The following RIMS1 variants were observed in gnomAD, a reference collection of about 807,000 sequenced individuals.
The protein encoded by RIMS1 is regulating synaptic membrane exocytosis protein 1.
A neutral mutation model predicts 214.1 loss-of-function variants in RIMS1; 83 were observed. The ratio of observed to expected loss-of-function variants is 0.39; its 90% CI spans 0.32 to 0.47. The LOEUF (loss-of-function observed/expected upper bound fraction) is 0.47, where lower values mean the gene tolerates loss of function less well. Among genes scored for constraint, RIMS1 ranks in the 20% least tolerant of loss-of-function variants. RIMS1 has a pLI of 0.99. For synonymous variants in RIMS1, 793 were observed against 786.8 expected (o/e 1.01, Z -0.13); for missense variants, 2,050 against 2,161.8 (o/e 0.95, Z 1.03).
intron 1 of RIMS1, among the ~76,000 whole-genome samples, chr6:71,930,111 A>AAGG (rs1782618017): frequency 6.6e-6 from 1 of 152,064 alleles, no homozygotes; most frequent in Non-Finnish European, 1.5e-5. Flanking sequence ...AAAAGAAAAT[A>AAGG]AACTAGGTGG....
At chr6:72,198,226 G>C (rs2153988398) in intron 6 of RIMS1, among the ~76,000 whole-genome samples, 1 of 152,116 alleles carries the variant, frequency 6.6e-6, no homozygotes, top group Non-Finnish European at 1.5e-5. Context: ...TGCATGAATG[G>C]GTAAAGAAAA....
chr6:71,968,855 A>G lies in RIMS1; in HGVS notation c.165-128A>G, dbSNP rs575463003. The G allele has an allele frequency of 8.8e-5, 80 of 907,108 alleles. No homozygotes were observed. In the African/African-American group the frequency reaches 1.3e-3, roughly 15 times the overall value. 56.2% of individuals were successfully genotyped at this position (907,108 alleles called of 1,614,324 possible). Reference sequence around the variant, plus strand: ...CTCCAAGGGCTTTGCTGGGGCCCCAAGGTTAATGTTGAAGGGGCTTTCAAA... The same window carrying G: ...CTCCAAGGGCTTTGCTGGGGCCCCAGGGTTAATGTTGAAGGGGCTTTCAAA... On this transcript the variant is annotated intron_variant, in intron 1 of 33. Coordinates refer to ENST00000521978, the MANE Select transcript of RIMS1 (RefSeq NM_014989.7).
chr6:71,899,869 G>A lies in RIMS1; in HGVS notation c.164+12682G>A, dbSNP rs75712311. 2.6e-3 allele frequency among the ~76,000 whole-genome samples: 395 copies of A among 152,120 alleles called. 2 individuals are homozygous for A. The highest frequency in any genetic ancestry group is 8.8e-3 in the African/African-American group (364 of 41,510). On this transcript the variant is annotated intron_variant, in intron 1 of 33. Transcript: ENST00000521978. ...TTTTTAAATAGAAAATCATCAGAGG[G>A]CCAAAGAAAATGAATGATCCACATT...
chr6:72,203,615 A>G (rs957778225), intron 6 of RIMS1, among the ~76,000 whole-genome samples: 1 of 152,200 alleles, frequency 6.6e-6, no homozygotes, highest in African/African-American at 2.4e-5. Context: ...CAGTGATCCT[A>G]AAATTTTTAT....
chr6:72,195,164 G>A (rs549801029), intron 6 of RIMS1, among the ~76,000 whole-genome samples: 1 of 152,258 alleles, frequency 6.6e-6, no homozygotes, highest in South Asian at 2.1e-4. Context: ...CCTAAGGCAG[G>A]GAGTTGGAAG....
intron 2 of RIMS1, among the ~76,000 whole-genome samples, chr6:72,047,427 C>T (rs765732375): frequency 6.6e-6 from 1 of 152,106 alleles, no homozygotes; most frequent in Non-Finnish European, 1.5e-5. Flanking sequence ...TCACATTAGA[C>T]ATTGCTGAGC....
At chr6:71,991,923 G>A (rs1415984736) in intron 2 of RIMS1, among the ~76,000 whole-genome samples, 1 of 152,138 alleles carries the variant, frequency 6.6e-6, no homozygotes, top group Non-Finnish European at 1.5e-5. Context: ...AAGTTAGCCA[G>A]GCTTGTTGGC....
intron 11 of RIMS1, among the ~76,000 whole-genome samples, chr6:72,247,552 A>AC (rs2070731363): frequency 1.3e-5 from 2 of 152,052 alleles, no homozygotes; most frequent in South Asian, 4.2e-4. Flanking sequence ...AAAAAAAAAA[A>AC]AAACCTAAGA....
At chr6:72,126,199 T>C (rs980030983) in intron 4 of RIMS1, among the ~76,000 whole-genome samples, 21 of 152,288 alleles carry the variant, frequency 1.4e-4, no homozygotes, top group Admixed American at 3.3e-4. Context: ...TAAATGGTAC[T>C]GGGAAAACTG....
At chr6:72,249,547 A>G (rs938552860) in intron 12 of RIMS1, among the ~76,000 whole-genome samples, 1 of 152,114 alleles carries the variant, frequency 6.6e-6, no homozygotes, top group Non-Finnish European at 1.5e-5. Context: ...TAATCCCAGC[A>G]CTTTGAGAGA....
At chr6:72,265,866 A>G (rs1302857536) in intron 21 of RIMS1, 94 bp from the exon 22 acceptor site, 7 of 792,380 alleles carry the variant, frequency 8.8e-6, no homozygotes, top group East Asian at 5.3e-5. Context: ...TGTAAAGGGG[A>G]CATTATTTTA....
chr6:72,216,800 T>A, intron 6 of RIMS1: 1 of 991,348 alleles, frequency 1.0e-6, no homozygotes, highest in Non-Finnish European at 1.2e-6. Context: ...CTCTCTGGCT[T>A]CAGGAAGGTA....
rs1389831416 is a variant in RIMS1, at chr6:72,158,687, T to G, written c.472-20888T>G. Among the ~76,000 whole-genome samples, 9 of 137,870 alleles carry G rather than the reference T, an allele frequency of 6.5e-5. 1 individual carries two copies. The highest frequency in any genetic ancestry group is 1.3e-4 in the Non-Finnish European group (8 of 60,824). 90.4% of individuals were successfully genotyped at this position (137,870 alleles called of 152,430 possible). ...TGGTTTTTTGTCCTTGCAATAGTTTTCTGAGAATGATGGTTTCCAGCTTCA... is the reference window on the plus strand; with the variant it reads ...TGGTTTTTTGTCCTTGCAATAGTTTGCTGAGAATGATGGTTTCCAGCTTCA... On this transcript the variant is annotated intron_variant, in intron 4 of 33. Transcript: ENST00000521978.
chr6:72,268,333 A>G (rs1027751834), intron 22 of RIMS1, among the ~76,000 whole-genome samples: 4 of 152,160 alleles, frequency 2.6e-5, no homozygotes, highest in African/African-American at 9.7e-5. Context: ...TACCGCAGGG[A>G]TTATTGTATT....
intron 29 of RIMS1, among the ~76,000 whole-genome samples, chr6:72,347,584 C>G (rs1048532406): frequency 2.6e-5 from 4 of 151,822 alleles, no homozygotes; most frequent in African/African-American, 9.7e-5. Flanking sequence ...TAAAAAATGT[C>G]CACTTTTATT....
chr6:71,962,514 T>G (rs748482464), intron 1 of RIMS1, among the ~76,000 whole-genome samples: 1 of 152,178 alleles, frequency 6.6e-6, no homozygotes, highest in East Asian at 1.9e-4. Flanking sequence ...TAACAGGACC[T>G]GATGGTTTGT....
At chr6:72,052,598 C>T (rs1825012384) in intron 2 of RIMS1, among the ~76,000 whole-genome samples, 1 of 152,094 alleles carries the variant, frequency 6.6e-6, no homozygotes, top group Non-Finnish European at 1.5e-5. Context: ...ATTGGACCAA[C>T]CTAGATTTTG....
intron 1 of RIMS1, among the ~76,000 whole-genome samples, chr6:71,910,803 T>C (rs1201359842): frequency 6.6e-6 from 1 of 152,130 alleles, no homozygotes; most frequent in African/African-American, 2.4e-5. Context: ...CTCTGATAAT[T>C]TGAGCATTTA....
At chr6:72,272,827 G>A (rs769223983) in intron 22 of RIMS1, among the ~76,000 whole-genome samples, 47 of 151,972 alleles carry the variant, frequency 3.1e-4, no homozygotes, top group Admixed American at 2.8e-3. Flanking sequence ...TGCTGTCGTC[G>A]TAATTCTTTT....
Sources: allele counts gnomAD v4.1 joint callset (sites outside exome capture counted in the v4.1 genomes callset), GRCh38; gene constraint gnomAD v4.1.1; transcripts MANE v1.5; gene names NCBI Gene and HGNC (gene_info 2026-07-23, HGNC 2026-07-21).